Variants in LINGO1 observed in about 807,000 individuals in gnomAD.
LINGO1 encodes leucine rich repeat and Ig domain containing 1.
In LINGO1, 11 loss-of-function variants were observed where a neutral mutation model predicts 37.3. The observed-to-expected ratio is 0.29, with a 90% CI of 0.19 to 0.49. LINGO1 has a LOEUF of 0.49. LINGO1 is among the 20% of genes least tolerant of loss of function. LINGO1 has a pLI of 0.99. For missense variants in LINGO1, 585 were observed against 878.2 expected (o/e 0.67, Z 4.22); for synonymous variants, 387 against 403.0 (o/e 0.96, Z 0.48).
chr15:77,776,466 C>CAGGAAGGCAGGAAGGGAGGAAGGG (rs1567577486), intron 1 of LINGO1, among the ~76,000 whole-genome samples: 2 of 129,804 alleles, frequency 1.5e-5, no homozygotes, highest in African/African-American at 6.3e-5. Flanking sequence ...GGCAGGAAGG[C>CAGGAAGGCAGGAAGGGAGGAAGGG]AGGAAGGCAG....
chr15:77,650,661 G>A (rs1246303705), intron 3 of LINGO1, among the ~76,000 whole-genome samples: 1 of 152,186 alleles, frequency 6.6e-6, no homozygotes, highest in Non-Finnish European at 1.5e-5. Flanking sequence ...CCCAGTAGAG[G>A]GGCTAGGCCA....
intron 2 of LINGO1, among the ~76,000 whole-genome samples, chr15:77,717,082 A>T (rs1437721158): frequency 1.9e-4 from 8 of 42,682 alleles, no homozygotes; most frequent in East Asian, 5.6e-4. Flanking sequence ...CGGGGTGCTC[A>T]AGCTCAGCAC....
intron 2 of LINGO1, among the ~76,000 whole-genome samples, chr15:77,701,677 T>C (rs1197371701): frequency 1.3e-5 from 2 of 152,058 alleles, no homozygotes; most frequent in African/African-American, 2.4e-5. Context: ...TGAGAACTGA[T>C]TGTTAAAAAG....
At chr15:77,706,923 T>C (rs879287866) in intron 2 of LINGO1, among the ~76,000 whole-genome samples, 4 of 152,238 alleles carry the variant, frequency 2.6e-5, no homozygotes, top group Admixed American at 2.6e-4. Context: ...GAGGAGATGC[T>C]GGCAGGAGAG....
chr15:77,687,960 G>A (rs1400084083), intron 2 of LINGO1, among the ~76,000 whole-genome samples: 1 of 152,242 alleles, frequency 6.6e-6, no homozygotes, highest in Non-Finnish European at 1.5e-5. Flanking sequence ...TTATCCTTGC[G>A]GACAGGCTCA....
chr15:77,618,540 T>C, intron 1 of LINGO1, among the ~76,000 whole-genome samples: 3 of 2,212 alleles, frequency 1.4e-3, no homozygotes, highest in African/African-American at 3.9e-3. Flanking sequence ...TTTTTTTTTT[T>C]TTTTTTTTTT....
chr15:77,765,919 A>G (rs948207828), intron 1 of LINGO1, among the ~76,000 whole-genome samples: 2 of 152,122 alleles, frequency 1.3e-5, no homozygotes, highest in African/African-American at 4.8e-5. Flanking sequence ...CCCCACTCCT[A>G]AATAGAAACA....
intron 1 of LINGO1, among the ~76,000 whole-genome samples, chr15:77,796,779 A>G (rs1476090504): frequency 6.6e-6 from 1 of 150,984 alleles, no homozygotes; most frequent in African/African-American, 2.4e-5. Context: ...TGGTGCCATC[A>G]TGGTTCACTG....
rs551752574 is a variant in LINGO1, at chr15:77,647,474, G to A, written c.-13+29615C>T. ...AGTCTTGCAGGAGTCGTAGGATCCT[G>A]ACAGGCAGAGAGGGGGTCAAACATT... is the stretch of plus-strand genomic sequence containing the variant. On this transcript the variant is annotated intron_variant, in intron 3 of 3. Transcript: ENST00000559893. Among the ~76,000 whole-genome samples the A allele has an allele frequency of 7.2e-5, 11 of 152,254 alleles. No individual in the cohort carries two copies. In the East Asian group the frequency reaches 2.1e-3, roughly 29 times the overall value.
upstream of LINGO1, among the ~76,000 whole-genome samples, chr15:77,633,364 G>A (rs868538496): frequency 3.9e-5 from 6 of 152,018 alleles, no homozygotes; most frequent in South Asian, 8.3e-4. Context: ...ACACACGCAC[G>A]AGGACGGACA....
chr15:77,795,671 G>A (rs761983022), intron 2 of LINGO1, among the ~76,000 whole-genome samples: 19 of 152,188 alleles, frequency 1.2e-4, no homozygotes, highest in African/African-American at 4.6e-4. Flanking sequence ...CCTGCCCTTA[G>A]AGACCTCCCA....
At chr15:77,699,039 G>A (rs1445923793), upstream of LINGO1, among the ~76,000 whole-genome samples, 1 of 152,098 alleles carries the variant, frequency 6.6e-6, no homozygotes, top group African/African-American at 2.4e-5. Context: ...GATGTGTCAG[G>A]AAAGGCCAAG....
intron 2 of LINGO1, among the ~76,000 whole-genome samples, chr15:77,733,045 G>C (rs969579316): frequency 1.8e-4 from 28 of 152,146 alleles, no homozygotes; most frequent in African/African-American, 6.5e-4. Flanking sequence ...GTAGATCCCT[G>C]AATTGCCTGC....
At chr15:77,643,343 G>A (rs886766268) in intron 3 of LINGO1, among the ~76,000 whole-genome samples, 7 of 152,184 alleles carry the variant, frequency 4.6e-5, no homozygotes, top group African/African-American at 1.4e-4. Context: ...CAGGACTGGG[G>A]ACAGAGGCAA....
At chr15:77,646,980 G>A (rs1245564848) in intron 3 of LINGO1, among the ~76,000 whole-genome samples, 1 of 152,134 alleles carries the variant, frequency 6.6e-6, no homozygotes, top group Non-Finnish European at 1.5e-5. Context: ...ACGGGCATGG[G>A]GAGGCTAAGG....
At chr15:77,711,884 G>GT (rs374448190) in intron 2 of LINGO1, among the ~76,000 whole-genome samples, 16 of 70,378 alleles carry the variant, frequency 2.3e-4, no homozygotes, top group Non-Finnish European at 4.8e-4. Context: ...TCTCCTCTGA[G>GT]GGGGGGGCAC....
rs1390696268 is a variant in LINGO1, at chr15:77,720,952, G to A, written c.-195+14040C>T. On this transcript the variant is annotated intron_variant, in intron 2 of 3. Transcript: ENST00000561686. ...GGACTGTCCCTCCCAGACACCTTCC[G>A]GGACTCTCCTGGGTCAGCAGGCCTG... 3.3e-5 allele frequency among the ~76,000 whole-genome samples: 5 copies of A among 152,100 alleles called. No individual in the cohort carries two copies. The South Asian group carries it at 6.2e-4, about 19-fold the overall frequency.
intron 2 of LINGO1, among the ~76,000 whole-genome samples, chr15:77,709,199 A>G (rs186944897): frequency 6.6e-6 from 1 of 152,300 alleles, no homozygotes; most frequent in Non-Finnish European, 1.5e-5. Flanking sequence ...AAACTAATAC[A>G]ATAATTGTTC....
intron 1 of LINGO1, among the ~76,000 whole-genome samples, chr15:77,773,886 G>A (rs1054140199): frequency 6.6e-6 from 1 of 152,038 alleles, no homozygotes; most frequent in Non-Finnish European, 1.5e-5. Flanking sequence ...TCTCCCTTAA[G>A]TCCTGAGAAC....
Sources: allele counts gnomAD v4.1 joint callset (sites outside exome capture counted in the v4.1 genomes callset), GRCh38; gene constraint gnomAD v4.1.1; transcripts MANE v1.5; gene names NCBI Gene and HGNC (gene_info 2026-07-23, HGNC 2026-07-21).